Variants in SIL1 observed in about 807,000 individuals in gnomAD.
SIL1 encodes nucleotide exchange factor SIL1.
SIL1 carries 40 observed loss-of-function variants against 49.1 expected under a neutral mutation model. That is an observed-to-expected ratio of 0.81 (90% CI 0.63 to 1.06). The LOEUF is 1.06. SIL1 is among the 50% of genes least tolerant of loss of function. The pLI is 0.00. For synonymous variants in SIL1, 253 were observed against 250.8 expected (o/e 1.01, Z -0.08); for missense variants, 500 against 572.6 (o/e 0.87, Z 1.29).
At chr5:139,081,878 T>TA (rs781441720) in intron 3 of SIL1, among the ~76,000 whole-genome samples, 3,104 of 137,620 alleles carry the variant, frequency 0.023, 40 homozygotes, top group Admixed American at 0.034. Flanking sequence ...GACTCTGTCT[T>TA]AAAAAAAAAA....
intron 5 of SIL1, among the ~76,000 whole-genome samples, chr5:139,038,875 T>C (rs1768977081): frequency 6.6e-6 from 1 of 151,774 alleles, no homozygotes; most frequent in South Asian, 2.1e-4. Context: ...AAGTTGGGGG[T>C]GGAAGTACAG....
chr5:138,953,152 G>T lies in SIL1; in HGVS notation c.768-1268C>A, dbSNP rs148708194. 1.4e-4 allele frequency among the ~76,000 whole-genome samples: 21 copies of T among 152,354 alleles called. No individual in the cohort carries two copies. The East Asian group carries it at 3.9e-3, about 28-fold the overall frequency. Reference sequence around the variant, plus strand: ...GCATGCCTCTGGCTGCCTGCCCTTGGCATGACCACAAGCTCCCAGAGACCC... The same window carrying T: ...GCATGCCTCTGGCTGCCTGCCCTTGTCATGACCACAAGCTCCCAGAGACCC... On this transcript the variant is annotated intron_variant, in intron 7 of 9. Coordinates refer to ENST00000394817, the MANE Select transcript of SIL1 (RefSeq NM_022464.5).
chr5:139,160,706 T>C (rs1751495252), intron 1 of SIL1, among the ~76,000 whole-genome samples: 1 of 152,108 alleles, frequency 6.6e-6, no homozygotes, highest in Non-Finnish European at 1.5e-5. Context: ...GGCACACACC[T>C]GTAGTCCCAG....
In SIL1 at chr5:139,103,855, C is replaced by T. The variant is rs986143102; in HGVS notation, c.244+17180G>A. Among the ~76,000 whole-genome samples, 3 of 151,212 alleles carry T rather than the reference C, an allele frequency of 2.0e-5. No homozygotes were observed. In the East Asian group the frequency reaches 5.8e-4, roughly 29 times the overall value. On this transcript the variant is annotated intron_variant, in intron 3 of 9. Transcript: ENST00000394817. ...TTCAAAGGACATCCAATAAATGCTG[C>T]CCTACCACAGATCTTGTCATTGCCA...
At chr5:139,086,057 G>A (rs1770210698) in intron 3 of SIL1, among the ~76,000 whole-genome samples, 1 of 151,222 alleles carries the variant, frequency 6.6e-6, no homozygotes, top group African/African-American at 2.4e-5. Flanking sequence ...GAGCCCAGGA[G>A]TTTGAGACCA....
rs146268081 is a variant in SIL1, at chr5:139,014,678, G to A, written c.767+6493C>T. ...CAGAGTCAGAGGTCATTTTCCATTC[G>A]TCATTATTTGCCATTTGAAAAAAGT... On this transcript the variant is annotated intron_variant, in intron 7 of 9. Transcript: ENST00000394817. Among the ~76,000 whole-genome samples, 15 of 152,224 alleles carry A rather than the reference G, an allele frequency of 9.9e-5. No individual in the cohort carries two copies. In the East Asian group the frequency reaches 2.5e-3, roughly 26 times the overall value.
chr5:139,055,050 C>T (rs749867785), intron 3 of SIL1, among the ~76,000 whole-genome samples: 1 of 152,112 alleles, frequency 6.6e-6, no homozygotes, highest in Non-Finnish European at 1.5e-5. Context: ...AAGATACATA[C>T]AGGTAACAAG....
At chr5:139,009,346 C>T (rs1303174923) in intron 7 of SIL1, among the ~76,000 whole-genome samples, 9 of 146,420 alleles carry the variant, frequency 6.1e-5, no homozygotes, top group Admixed American at 1.4e-4. Context: ...TATTTTGAGC[C>T]TATGTGTGTC....
intron 5 of SIL1, among the ~76,000 whole-genome samples, chr5:139,028,046 A>G (rs1768701033): frequency 6.6e-6 from 1 of 152,164 alleles, no homozygotes; most frequent in Admixed American, 6.5e-5. Flanking sequence ...ACCCAGCTAG[A>G]GGTCTCTGGA....
intron 2 of SIL1, among the ~76,000 whole-genome samples, chr5:139,122,594 C>CAA (rs35550881): frequency 4.4e-5 from 6 of 136,400 alleles, no homozygotes; most frequent in Admixed American, 7.4e-5. Context: ...GACCCTGTCT[C>CAA]AAAAAAAAAA....
chr5:139,031,196 T>C (rs1014149647), intron 5 of SIL1, among the ~76,000 whole-genome samples: 8 of 152,172 alleles, frequency 5.3e-5, no homozygotes, highest in African/African-American at 1.9e-4. Context: ...ACTCTTTACC[T>C]GGTCCTAGTT....
intron 7 of SIL1, among the ~76,000 whole-genome samples, chr5:139,019,709 T>C (rs1768474692): frequency 6.6e-6 from 1 of 152,172 alleles, no homozygotes; most frequent in Non-Finnish European, 1.5e-5. Context: ...GGATGTGACA[T>C]GAAAATGCTA....
At chr5:139,156,408 A>AAG (rs113601787) in intron 1 of SIL1, among the ~76,000 whole-genome samples, 56,526 of 151,742 alleles carry the variant, frequency 0.37, 11,292 homozygotes, top group South Asian at 0.46. Context: ...ATTAAAAAAA[A>AAG]AAGAAGCCAG....
intron 3 of SIL1, among the ~76,000 whole-genome samples, chr5:139,068,443 C>A (rs1012688475): frequency 1.3e-5 from 2 of 152,024 alleles, no homozygotes; most frequent in African/African-American, 4.8e-5. Context: ...TGCTCCCTAC[C>A]AGGACAGGGC....
At chr5:139,001,233 C>T (rs1219381399) in intron 7 of SIL1, among the ~76,000 whole-genome samples, 1 of 152,120 alleles carries the variant, frequency 6.6e-6, no homozygotes, top group Non-Finnish European at 1.5e-5. Flanking sequence ...AACCATCAAA[C>T]ACAGTATGAG....
intron 7 of SIL1, among the ~76,000 whole-genome samples, chr5:139,004,495 G>T (rs1176051499): frequency 6.6e-6 from 1 of 152,144 alleles, no homozygotes; most frequent in Admixed American, 6.5e-5. Context: ...TGAAACTCAT[G>T]TGAGACCTTT....
At chr5:139,095,315 G>T (rs11741077) in intron 3 of SIL1, among the ~76,000 whole-genome samples, 5 of 148,428 alleles carry the variant, frequency 3.4e-5, no homozygotes, top group Non-Finnish European at 4.4e-5. Flanking sequence ...CCAGGCTGGA[G>T]TACGGTGGTG....
chr5:139,124,720 AATG>A (rs1249581348), intron 2 of SIL1, among the ~76,000 whole-genome samples: 1 of 152,256 alleles, frequency 6.6e-6, no homozygotes, highest in Non-Finnish European at 1.5e-5. Flanking sequence ...ATGAGGTTGT[AATG>A]ATAACAGCAG....
chr5:139,194,587 T>G (rs1290141965), intron 1 of SIL1, among the ~76,000 whole-genome samples: 1 of 152,208 alleles, frequency 6.6e-6, no homozygotes, highest in African/African-American at 2.4e-5. Context: ...AGAGAGAAGA[T>G]TAGCTCCACA....
Sources: allele counts gnomAD v4.1 joint callset (sites outside exome capture counted in the v4.1 genomes callset), GRCh38; gene constraint gnomAD v4.1.1; transcripts MANE v1.5; gene names NCBI Gene and HGNC (gene_info 2026-07-23, HGNC 2026-07-21).